COL8A1: variants seen among roughly 807,000 people sequenced by gnomAD.
COL8A1 encodes collagen type VIII alpha 1 chain.
A neutral mutation model predicts 42.7 loss-of-function variants in COL8A1; 21 were observed. The ratio of observed to expected loss-of-function variants is 0.49; its 90% CI spans 0.35 to 0.71. The LOEUF is 0.71. COL8A1 is among the 30% of genes least tolerant of loss of function. The probability of loss-of-function intolerance (pLI) is 0.01; values close to 1 mark genes in which losing one functional copy is unlikely to be tolerated. For missense variants in COL8A1, 788 were observed against 962.4 expected (o/e 0.82, Z 2.40); for synonymous variants, 367 against 369.1 (o/e 0.99, Z 0.06).
chr3:99,731,817 T>C (rs1370119074), intron 1 of COL8A1, among the ~76,000 whole-genome samples: 1 of 152,164 alleles, frequency 6.6e-6, no homozygotes, highest in Non-Finnish European at 1.5e-5. Flanking sequence ...TGGAAAGTGG[T>C]GTGAATTCAG....
chr3:99,708,840 G>A (rs949227961), intron 1 of COL8A1, among the ~76,000 whole-genome samples: 7 of 152,064 alleles, frequency 4.6e-5, no homozygotes, highest in African/African-American at 1.7e-4. Flanking sequence ...TAGACCCGGG[G>A]TGCATACTTT....
intron 2 of COL8A1, among the ~76,000 whole-genome samples, chr3:99,755,553 T>A (rs547636820): frequency 2.0e-5 from 3 of 152,244 alleles, no homozygotes. Flanking sequence ...TTTAATACCA[T>A]GTTGATCATG....
chr3:99,771,751 T>C (rs1250733932), intron 2 of COL8A1, among the ~76,000 whole-genome samples: 3 of 152,172 alleles, frequency 2.0e-5, no homozygotes, highest in Non-Finnish European at 4.4e-5. Context: ...AAAAGTGTAA[T>C]ACTAGGCATG....
At chr3:99,645,081 G>T (rs905580520) in intron 1 of COL8A1, among the ~76,000 whole-genome samples, 8 of 152,154 alleles carry the variant, frequency 5.3e-5, no homozygotes, top group African/African-American at 1.9e-4. Context: ...CAGGTGGGAC[G>T]CATTTTCAAG....
chr3:99,733,643 T>C (rs992998570), intron 1 of COL8A1, among the ~76,000 whole-genome samples: 1 of 152,036 alleles, frequency 6.6e-6, no homozygotes, highest in Non-Finnish European at 1.5e-5. Flanking sequence ...GCATGATTTA[T>C]AGTCCTTTGG....
chr3:99,642,233 A>G (rs1937517342), intron 1 of COL8A1, among the ~76,000 whole-genome samples: 1 of 152,164 alleles, frequency 6.6e-6, no homozygotes, highest in South Asian at 2.1e-4. Flanking sequence ...TCCCTCTATC[A>G]CTTTAGTAAC....
intron 1 of COL8A1, among the ~76,000 whole-genome samples, chr3:99,644,092 A>G (rs546350927): frequency 2.5e-4 from 38 of 152,282 alleles, no homozygotes; most frequent in African/African-American, 8.7e-4. Flanking sequence ...CAGAGGAGGG[A>G]GAATCTCCAA....
chr3:99,795,814 T>C lies in COL8A1; in HGVS notation c.1913T>C (p.Leu638Pro). The change falls in exon 4 of 4, where the codon CTG (leucine) becomes CCG (proline). Residue 638 changes from leucine (L) to proline (P), a missense_variant. Coordinates refer to ENST00000652472, the MANE Select transcript of COL8A1 (RefSeq NM_020351.4). ...GGGGCCCCAGTGAAGTTTAACAAAC[T>C]GCTGTATAACGGCAGACAGAACTAC... ...PVGAPVKFNKLLYNGRQNYNP... is the reference protein window; with the variant it reads ...PVGAPVKFNKPLYNGRQNYNP... 1 of 1,614,174 alleles carries C rather than the reference T, an allele frequency of 6.2e-7. No homozygotes were observed. Among genetic ancestry groups the C allele is most frequent in the East Asian group, 2.2e-5 (1 of 44,890 alleles).
chr3:99,784,237 G>C (rs372331789), intron 2 of COL8A1, among the ~76,000 whole-genome samples: 1 of 152,212 alleles, frequency 6.6e-6, no homozygotes, highest in South Asian at 2.1e-4. Flanking sequence ...TTTTGACTAG[G>C]AATGTAACAG....
chr3:99,661,696 G>A (rs893930728), intron 1 of COL8A1, among the ~76,000 whole-genome samples: 9 of 152,210 alleles, frequency 5.9e-5, no homozygotes, highest in Non-Finnish European at 7.4e-5. Context: ...ATTATTCACA[G>A]TAGCCAAAAG....
chr3:99,794,895 G>A lies in COL8A1; in HGVS notation c.994G>A (p.Gly332Ser). ...CCCAGGCCAGCCAGGATTTCCAGGT[G>A]GCAAAGGGGAGCAAGGACTGCCAGG... ...GIPGQPGFPG[G>S]KGEQGLPGLP... The change falls in exon 4 of 4, where the codon GGC (glycine) becomes AGC (serine). Residue 332 changes from glycine (G) to serine (S), a missense_variant. Physicochemically the swap from Gly to Ser is moderately conservative, Grantham distance 56. Around this residue, in one of 4 missense-constraint regions of COL8A1, gnomAD observed 421 missense variants for 553.1 expected, o/e 0.76. Coordinates refer to ENST00000652472, the MANE Select transcript of COL8A1 (RefSeq NM_020351.4). The surrounding 1 kb of genome is among the most constrained non-coding windows in gnomAD (Gnocchi z 4.3). 3.7e-6 allele frequency: 6 copies of A among 1,604,152 alleles called. No homozygotes were observed. Among genetic ancestry groups the A allele is most frequent in the Non-Finnish European group, 5.1e-6 (6 of 1,176,022 alleles).
intron 1 of COL8A1, among the ~76,000 whole-genome samples, chr3:99,700,070 C>A (rs1013572036): frequency 2.6e-5 from 4 of 152,146 alleles, no homozygotes; most frequent in African/African-American, 9.7e-5. Flanking sequence ...TCGGTCTGGA[C>A]TGAGACCGGA....
chr3:99,709,040 G>A (rs939617155), intron 1 of COL8A1, among the ~76,000 whole-genome samples: 13 of 46,144 alleles, frequency 2.8e-4, no homozygotes, highest in Non-Finnish European at 4.3e-4. Context: ...CCCCCGCCCC[G>A]ACCAAGGAAT....
intron 1 of COL8A1, among the ~76,000 whole-genome samples, chr3:99,722,147 T>C (rs1338071681): frequency 1.3e-5 from 2 of 152,156 alleles, no homozygotes; most frequent in Non-Finnish European, 2.9e-5. Flanking sequence ...AGGAATTACC[T>C]GCTAAAGGGA....
At chr3:99,698,510 G>C (rs1939444159) in intron 1 of COL8A1, among the ~76,000 whole-genome samples, 1 of 152,224 alleles carries the variant, frequency 6.6e-6, no homozygotes, top group African/African-American at 2.4e-5. Context: ...GAAGGATCTA[G>C]AGTAAGTGTT....
chr3:99,741,701 G>C (rs1378737437), intron 1 of COL8A1, among the ~76,000 whole-genome samples: 1 of 152,138 alleles, frequency 6.6e-6, no homozygotes, highest in Non-Finnish European at 1.5e-5. Context: ...GTGGTCTCTA[G>C]GTAGCCAGAC....
At chr3:99,723,353 C>G (rs1180616362) in intron 1 of COL8A1, among the ~76,000 whole-genome samples, 1 of 152,012 alleles carries the variant, frequency 6.6e-6, no homozygotes, top group Admixed American at 6.6e-5. Context: ...CTGGAAGTTG[C>G]TTTCAGCTGA....
Position 99,795,714 on chromosome 3 carries a change from A to G in COL8A1, c.1813A>G (p.Lys605Glu). The G allele has an allele frequency of 1.2e-6, 2 of 1,614,084 alleles. No homozygotes were observed. The highest frequency in any genetic ancestry group is 1.7e-5 in the Admixed American group (1 of 60,020). ...ACCCCCCCATGCCTACGGGGCTAAG[A>G]AAGGCAAGAATGGAGGGCCAGCCTA... ...VKPPHAYGAKKGKNGGPAYEM... is the reference protein window; with the variant it reads ...VKPPHAYGAKEGKNGGPAYEM... The change falls in exon 4 of 4, where the codon AAA (lysine) becomes GAA (glutamate). Residue 605 changes from lysine (K) to glutamate (E), a missense_variant. Lys to Glu is a moderately conservative substitution (Grantham distance 56). Transcript: ENST00000652472.
intron 1 of COL8A1, among the ~76,000 whole-genome samples, chr3:99,703,052 G>A (rs902024176): frequency 6.6e-6 from 1 of 152,186 alleles, no homozygotes; most frequent in Non-Finnish European, 1.5e-5. Context: ...AAGAATGGCA[G>A]AAGCTGAAGT....
Sources: gnomAD v4.1 joint callset for allele counts (sites outside exome capture counted in the v4.1 genomes callset) on GRCh38, gnomAD v4.1.1 for gene constraint, gnomAD v4.1.1 regional missense constraint, Gnocchi (gnomAD v3.1) non-coding constraint, MANE v1.5 for transcripts, NCBI Gene and HGNC (gene_info 2026-07-23, HGNC 2026-07-21) for gene names.